Variants in PABIR1 observed in about 807,000 individuals in gnomAD.
PABIR1 encodes PPP2R1A-PPP2R2A-interacting phosphatase regulator 1.
A neutral mutation model predicts 14.6 loss-of-function variants in PABIR1; 2 were observed. The observed-to-expected ratio is 0.14, with a 90% CI of 0.06 to 0.43. The LOEUF is 0.43. PABIR1 is among the 20% of genes least tolerant of loss of function. The pLI is 0.99. For missense variants in PABIR1, 294 were observed against 379.0 expected, an observed-to-expected ratio of 0.78 and a Z score of 1.86; for synonymous variants, 163 against 155.4, an observed-to-expected ratio of 1.05 and a Z score of -0.36.
Position 68,784,708 on chromosome 9 carries a change from A to G in PABIR1, c.*3680A>G, listed in dbSNP as rs1831513492. On this transcript the variant is annotated 3_prime_UTR_variant, in exon 1 of 1. Coordinates refer to ENST00000394264, the MANE Select transcript of PABIR1 (RefSeq NM_138333.5). ...GGAGTCAGGGGAATGGTTGCCAGAC[A>G]ATTGAACCAAGAAGATGATGATCAT... 1 of 159,198 alleles carries G rather than the reference A, an allele frequency of 6.3e-6. No homozygotes were observed. Among genetic ancestry groups the G allele is most frequent in the South Asian group, 2.1e-4 (1 of 4,832 alleles). 9.9% of individuals were successfully genotyped at this position (159,198 alleles called of 1,614,324 possible).
rs1831502781 is a variant in PABIR1 at position 68,784,605 on chromosome 9, G to GA, written c.*3580dup. ...GGGAAGGAATCAAGACTTAAATGAG[G>GA]AAAGTGAGTCTGAGAACATTTTTTT... On this transcript the variant is annotated 3_prime_UTR_variant, in exon 1 of 1. Coordinates refer to ENST00000394264, the MANE Select transcript of PABIR1 (RefSeq NM_138333.5). The GA allele has an allele frequency of 6.0e-6, 1 of 166,966 alleles. No individual in the cohort carries two copies. Among genetic ancestry groups the GA allele is most frequent in the Non-Finnish European group, 1.5e-5 (1 of 68,126 alleles). The allele number at this position is 166,966 out of a possible 1,614,324, so 10.3% of individuals were successfully genotyped here. A position where few individuals can be genotyped will look rare whatever the true frequency, so the allele number is the denominator to read the frequency against.
At position 68,780,866 on chromosome 9, in the gene PABIR1, TC is replaced by T; in HGVS notation, c.704del (p.Pro235LeufsTer47). Reference sequence around the variant, plus strand: ...CTTCTGACGTTGCACAGCTGTCAGATCCTGGTGTGTGTGTATCTTCGGATAC... The same window carrying T: ...CTTCTGACGTTGCACAGCTGTCAGATCTGGTGTGTGTGTATCTTCGGATAC... ...LSSDVAQLSD[P>X]GVCVSSDTLD... On this transcript the variant is annotated frameshift_variant, in exon 1 of 1. Coordinates refer to ENST00000394264, the MANE Select transcript of PABIR1 (RefSeq NM_138333.5). LOFTEE classifies it high-confidence loss of function. 1 of 1,614,234 alleles carries T rather than the reference TC, an allele frequency of 6.2e-7. No homozygotes were observed. Among genetic ancestry groups the T allele is most frequent in the Non-Finnish European group, 8.5e-7 (1 of 1,180,038 alleles).
Position 68,780,198 on chromosome 9 carries a change from C to G in PABIR1, c.34C>G (p.Leu12Val). ...GGAGAAGATGGAGCTAGACCTGGAG[C>G]TGCCTCCGGGTACGGGCGGGAGCCC... ...AQEKMELDLELPPGTGGSPAE... is the reference protein window; with the variant it reads ...AQEKMELDLEVPPGTGGSPAE... Residue 12 changes from leucine (L) to valine (V), a missense_variant, in exon 1 of 1, where the codon CTG becomes GTG. By Grantham distance (32) the Leu-to-Val change is conservative. Around this residue, in one of 3 missense-constraint regions of PABIR1, gnomAD observed 96 missense variants for 102.2 expected, o/e 0.94. Transcript: ENST00000394264. The G allele has an allele frequency of 6.5e-7, 1 of 1,534,988 alleles. No individual in the cohort carries two copies. Among genetic ancestry groups the G allele is most frequent in the East Asian group, 2.3e-5 (1 of 44,254 alleles).
rs1831355241 is a variant in PABIR1 at position 68,782,563 on chromosome 9, C to T, written c.*1535C>T. ...TGTTTAAAGTTATCGCTTACAGAGA[C>T]TTTAACAATTTTGTGGAATTTTTAC... On this transcript the variant is annotated 3_prime_UTR_variant, in exon 1 of 1. Coordinates refer to ENST00000394264, the MANE Select transcript of PABIR1 (RefSeq NM_138333.5). 1 of 167,066 alleles carries T rather than the reference C, an allele frequency of 6.0e-6. No individual in the cohort carries two copies. The highest frequency in any genetic ancestry group is 2.1e-4 in the South Asian group (1 of 4,824). 10.3% of individuals were successfully genotyped at this position (167,066 alleles called of 1,614,324 possible).
rs768849656 is a variant in PABIR1 at position 68,780,852 on chromosome 9, G to A, written c.688G>A (p.Ala230Thr). Residue 230 changes from alanine to threonine, a missense_variant, in exon 1 of 1, where the codon GCA (alanine) becomes ACA (threonine). Around this residue, in one of 3 missense-constraint regions of PABIR1, gnomAD observed 95 missense variants for 100.8 expected, o/e 0.94. Transcript: ENST00000394264. ...GITNMLSSDV[A>T]QLSDPGVCVS... ...CACCAACATGCTTTCTTCTGACGTT[G>A]CACAGCTGTCAGATCCTGGTGTGTG... is the stretch of plus-strand genomic sequence containing the variant. 1.2e-6 allele frequency: 2 copies of A among 1,614,202 alleles called. No individual in the cohort carries two copies. Among genetic ancestry groups the A allele is most frequent in the African/African-American group, 2.7e-5 (2 of 75,040 alleles).
In PABIR1 at chr9:68,782,041, T is replaced by C. The variant is rs1831319739; in HGVS notation, c.*1013T>C. 1 of 167,102 alleles carries C rather than the reference T, an allele frequency of 6.0e-6. No homozygotes were observed. Among genetic ancestry groups the C allele is most frequent in the Non-Finnish European group, 1.5e-5 (1 of 68,126 alleles). 10.4% of individuals were successfully genotyped at this position (167,102 alleles called of 1,614,324 possible). ...CAGCAATTTTTGGCTACTTTTCTGC[T>C]CTGCCCATCTGTCACCTTACTGGTT... On this transcript the variant is annotated 3_prime_UTR_variant, in exon 1 of 1. Transcript: ENST00000394264.
chr9:68,782,373 T>A lies in PABIR1; in HGVS notation c.*1345T>A, dbSNP rs1831339960. 6.0e-6 allele frequency: 1 copy of A among 167,056 alleles called. No homozygotes were observed. The highest frequency in any genetic ancestry group is 2.4e-5 in the African/African-American group (1 of 41,456). The allele number at this position is 167,056 out of a possible 1,614,324, so 10.3% of individuals were successfully genotyped here. ...TAGAATAGTCGAATGTTCTTTTCTT[T>A]ACCTTTACAATTAAGACAAAATGTT... On this transcript the variant is annotated 3_prime_UTR_variant, in exon 1 of 1. Transcript: ENST00000394264.
chr9:68,780,223 C>T lies in PABIR1; in HGVS notation c.59C>T (p.Pro20Leu). The T allele has an allele frequency of 4.5e-6, 7 of 1,539,630 alleles. No individual in the cohort carries two copies. Among genetic ancestry groups the T allele is most frequent in the Non-Finnish European group, 6.1e-6 (7 of 1,149,522 alleles). Reference sequence around the variant, plus strand: ...CTGCCTCCGGGTACGGGCGGGAGCCCGGCGGAGGGCGGTGGCAGCGGCGGC... The same window carrying T: ...CTGCCTCCGGGTACGGGCGGGAGCCTGGCGGAGGGCGGTGGCAGCGGCGGC... The part of the protein sequence containing the change: ...LELPPGTGGS[P>L]AEGGGSGGGG... Residue 20 changes from proline to leucine, a missense_variant, in exon 1 of 1, where the codon CCG becomes CTG. Pro to Leu is a moderately conservative substitution (Grantham distance 98). Transcript: ENST00000394264.
Position 68,780,849 on chromosome 9 carries a change from G to C in PABIR1, c.685G>C (p.Val229Leu). ...CATCACCAACATGCTTTCTTCTGACGTTGCACAGCTGTCAGATCCTGGTGT... is the reference window on the plus strand; with the variant it reads ...CATCACCAACATGCTTTCTTCTGACCTTGCACAGCTGTCAGATCCTGGTGT... Reference protein sequence around the residue: ...QGITNMLSSDVAQLSDPGVCV... With the variant: ...QGITNMLSSDLAQLSDPGVCV... Residue 229 changes from valine to leucine, a missense_variant, in exon 1 of 1, where the codon GTT becomes CTT. Coordinates refer to ENST00000394264, the MANE Select transcript of PABIR1 (RefSeq NM_138333.5). 1 of 1,614,182 alleles carries C rather than the reference G, an allele frequency of 6.2e-7. No homozygotes were observed. The highest frequency in any genetic ancestry group is 1.1e-5 in the South Asian group (1 of 91,088).
rs1020220910 is a variant in PABIR1, at chr9:68,785,368, C to A, written c.*4340C>A. On this transcript the variant is annotated 3_prime_UTR_variant, in exon 1 of 1. Transcript: ENST00000394264. ...CTCCAGCAGTTTTGCCCACATTTTTCATGGCTGTTAGAGAATCAGGGCTGA... is the reference window on the plus strand; with the variant it reads ...CTCCAGCAGTTTTGCCCACATTTTTAATGGCTGTTAGAGAATCAGGGCTGA... Among the ~76,000 whole-genome samples, 4 of 152,164 alleles carry A rather than the reference C, an allele frequency of 2.6e-5. No homozygotes were observed. Among genetic ancestry groups the A allele is most frequent in the African/African-American group, 7.2e-5 (3 of 41,444 alleles).
chr9:68,782,924 CT>C lies in PABIR1; in HGVS notation c.*1900del. ...ACTATGGAAGCATCTTTGACTTTTC[CT>C]TTTCTCTGTTGGATTAGCTTAATCA... On this transcript the variant is annotated 3_prime_UTR_variant, in exon 1 of 1. Coordinates refer to ENST00000394264, the MANE Select transcript of PABIR1 (RefSeq NM_138333.5). 6.0e-6 allele frequency: 1 copy of C among 167,144 alleles called. No individual in the cohort carries two copies. Among genetic ancestry groups the C allele is most frequent in the East Asian group, 1.9e-4 (1 of 5,190 alleles). The allele number at this position is 167,144 out of a possible 1,614,324, so 10.4% of individuals were successfully genotyped here.
rs1225947524 is a variant in PABIR1 at position 68,780,401 on chromosome 9, C to A, written c.237C>A (p.Arg79=). 1 of 1,613,896 alleles carries A rather than the reference C, an allele frequency of 6.2e-7. No homozygotes were observed. Among genetic ancestry groups the A allele is most frequent in the Non-Finnish European group, 8.5e-7 (1 of 1,180,034 alleles). ...HGLLLPASPV[R]MHSSRLHQIK... is the part of the protein sequence containing the mutation. Reference sequence around the variant, plus strand: ...TGCTGCTGCCGGCCTCCCCTGTCCGCATGCACAGCAGCCGCTTGCACCAGA... The same window carrying A: ...TGCTGCTGCCGGCCTCCCCTGTCCGAATGCACAGCAGCCGCTTGCACCAGA... The change falls in exon 1 of 1, where the codon CGC becomes CGA. Residue 79 remains arginine (R), a synonymous_variant. Transcript: ENST00000394264.
rs1183461126 is a variant in PABIR1, at chr9:68,780,278, C to G, written c.114C>G (p.Ala38=). ...GGGGCCTCAGGAGGTCTAACAGCGC[C>G]CCCCTGATCCACGGCCTCAGTGACA... is the stretch of plus-strand genomic sequence containing the variant. ...GGGGLRRSNS[A]PLIHGLSDTS... The change falls in exon 1 of 1, where the codon GCC becomes GCG. Residue 38 remains alanine, a synonymous_variant. Coordinates refer to ENST00000394264, the MANE Select transcript of PABIR1 (RefSeq NM_138333.5). 1.3e-6 allele frequency: 2 copies of G among 1,579,676 alleles called. No homozygotes were observed. Among genetic ancestry groups the G allele is most frequent in the Non-Finnish European group, 1.7e-6 (2 of 1,164,968 alleles).
At position 68,783,686 on chromosome 9, in the gene PABIR1, A is replaced by G. The variant is rs2132468617; in HGVS notation, c.*2658A>G. ...TACTGATTTTTATCAGCTAGAATCT[A>G]TCTCCTTATTTCTACCTCTATTGCC... is the stretch of plus-strand genomic sequence containing the variant. On this transcript the variant is annotated 3_prime_UTR_variant, in exon 1 of 1. Transcript: ENST00000394264. 1 of 167,082 alleles carries G rather than the reference A, an allele frequency of 6.0e-6. No homozygotes were observed. The highest frequency in any genetic ancestry group is 1.9e-4 in the East Asian group (1 of 5,190). 10.3% of individuals were successfully genotyped at this position (167,082 alleles called of 1,614,324 possible).
rs1475612112 is a variant in PABIR1, at chr9:68,784,680, G to T, written c.*3652G>T. ...GAACAATTTTGAAGATCTAACAGAG[G>T]TGGGAGTCAGGGGAATGGTTGCCAG... On this transcript the variant is annotated 3_prime_UTR_variant, in exon 1 of 1. Transcript: ENST00000394264. 6.1e-6 allele frequency: 1 copy of T among 163,576 alleles called. No individual in the cohort carries two copies. The highest frequency in any genetic ancestry group is 2.4e-5 in the African/African-American group (1 of 41,444). The allele number at this position is 163,576 out of a possible 1,614,324, so 10.1% of individuals were successfully genotyped here. A position where few individuals can be genotyped will look rare whatever the true frequency, so the allele number is the denominator to read the frequency against.
rs569189035 is a variant in PABIR1, at chr9:68,781,935, A to G, written c.*907A>G. On this transcript the variant is annotated 3_prime_UTR_variant, in exon 1 of 1. Coordinates refer to ENST00000394264, the MANE Select transcript of PABIR1 (RefSeq NM_138333.5). The stretch of plus-strand genomic sequence containing the variant: ...GTTGAACTTTGGCGCACTCAGGTAA[A>G]CAATACTCTCTCAATTGTTGATATA... 1.2e-5 allele frequency: 2 copies of G among 167,114 alleles called. No homozygotes were observed. Among genetic ancestry groups the G allele is most frequent in the Admixed American group, 1.3e-4 (2 of 15,296 alleles). The allele number at this position is 167,114 out of a possible 1,614,324, so 10.4% of individuals were successfully genotyped here. A position where few individuals can be genotyped will look rare whatever the true frequency, so the allele number is the denominator to read the frequency against.
At position 68,781,710 on chromosome 9, in the gene PABIR1, C is replaced by A. The variant is rs1477109920; in HGVS notation, c.*682C>A. ...TTAATAGTAATTCTAGTCAGTCATA[C>A]AACTATAACTACTATAGAGAAAATA... On this transcript the variant is annotated 3_prime_UTR_variant, in exon 1 of 1. Coordinates refer to ENST00000394264, the MANE Select transcript of PABIR1 (RefSeq NM_138333.5). 1.2e-5 allele frequency: 2 copies of A among 165,666 alleles called. No homozygotes were observed. The highest frequency in any genetic ancestry group is 4.9e-5 in the African/African-American group (2 of 41,152). 10.3% of individuals were successfully genotyped at this position (165,666 alleles called of 1,614,324 possible). A position where few individuals can be genotyped will look rare whatever the true frequency, so the allele number is the denominator to read the frequency against.
In PABIR1 at chr9:68,782,871, A is replaced by C. The variant is rs1273704286; in HGVS notation, c.*1843A>C. ...ACCTGTTCTTGCATTAGCTCAATTG[A>C]TGTCATCACTGATTTCCTAAACTAG... is the stretch of plus-strand genomic sequence containing the variant. On this transcript the variant is annotated 3_prime_UTR_variant, in exon 1 of 1. Coordinates refer to ENST00000394264, the MANE Select transcript of PABIR1 (RefSeq NM_138333.5). The C allele has an allele frequency of 6.0e-6, 1 of 167,048 alleles. No homozygotes were observed. The highest frequency in any genetic ancestry group is 1.5e-5 in the Non-Finnish European group (1 of 68,136). The allele number at this position is 167,048 out of a possible 1,614,324, so 10.3% of individuals were successfully genotyped here. A position where few individuals can be genotyped will look rare whatever the true frequency, so the allele number is the denominator to read the frequency against.
In PABIR1 at chr9:68,782,369, TCTTTAC is replaced by T. The variant is rs1831339491; in HGVS notation, c.*1348_*1353del. The T allele has an allele frequency of 1.2e-5, 2 of 167,180 alleles. No individual in the cohort carries two copies. Among genetic ancestry groups the T allele is most frequent in the Non-Finnish European group, 1.5e-5 (1 of 68,114 alleles). The allele number at this position is 167,180 out of a possible 1,614,324, so 10.4% of individuals were successfully genotyped here. A position where few individuals can be genotyped will look rare whatever the true frequency, so the allele number is the denominator to read the frequency against. ...AAGTTAGAATAGTCGAATGTTCTTT[TCTTTAC>T]CTTTACAATTAAGACAAAATGTTTA... On this transcript the variant is annotated 3_prime_UTR_variant, in exon 1 of 1. Coordinates refer to ENST00000394264, the MANE Select transcript of PABIR1 (RefSeq NM_138333.5).
Sources: gnomAD v4.1 joint callset for allele counts (sites outside exome capture counted in the v4.1 genomes callset) on GRCh38, gnomAD v4.1.1 for gene constraint, gnomAD v4.1.1 regional missense constraint, MANE v1.5 for transcripts, NCBI Gene and HGNC (gene_info 2026-07-23, HGNC 2026-07-21) for gene names.